Variants in PCDHGB5 observed in about 807,000 individuals in gnomAD.
PCDHGB5 encodes protocadherin gamma subfamily B, 5.
In PCDHGB5, 48 loss-of-function variants were observed where a neutral mutation model predicts 62.9. That is an observed-to-expected ratio of 0.76 (90% CI 0.61 to 0.97). The LOEUF (loss-of-function observed/expected upper bound fraction) is 0.97, where lower values mean the gene tolerates loss of function less well. Ranked by LOEUF, PCDHGB5 falls within the 50% of genes least tolerant of loss-of-function variation. PCDHGB5 has a pLI of 0.00. For synonymous variants in PCDHGB5, 474 were observed against 511.2 expected, an observed-to-expected ratio of 0.93 and a Z score of 0.98; for missense variants, 1,118 against 1,198.6, an observed-to-expected ratio of 0.93 and a Z score of 0.99.
chr5:141,505,298 T>C, intron 2 of PCDHGB5, 95 bp from the exon 3 acceptor site: 1 of 1,586,334 alleles, frequency 6.3e-7, no homozygotes, highest in Non-Finnish European at 8.6e-7. Flanking sequence ...GGGGTAGGGT[T>C]AGGGTACTAG....
chr5:141,426,311 G>C (rs895147447), intron 1 of PCDHGB5: 7 of 173,614 alleles, frequency 4.0e-5, no homozygotes, highest in Middle Eastern at 2.9e-3. Context: ...AAGCAGAGAA[G>C]CAGGACCCGG....
At chr5:141,421,173 C>A in intron 1 of PCDHGB5, 2 of 1,377,172 alleles carry the variant, frequency 1.5e-6, no homozygotes, top group Non-Finnish European at 9.7e-7. Context: ...GATACATAAG[C>A]CGATTCACAA....
chr5:141,405,514 A>C, intron 1 of PCDHGB5: 1 of 704,834 alleles, frequency 1.4e-6, no homozygotes, highest in Non-Finnish European at 2.3e-6. Context: ...CCGCCTCCCA[A>C]ATTCAAGCGA....
Position 141,489,375 on chromosome 5 carries a change from G to C in PCDHGB5, c.2398-5432G>C. On this transcript the variant is annotated intron_variant, in intron 1 of 3. Coordinates refer to ENST00000617380, the MANE Select transcript of PCDHGB5 (RefSeq NM_018925.3). The surrounding 1 kb of genome is among the most constrained non-coding windows in gnomAD (Gnocchi z 4.5). ...AGGAGTCTGAGCCGGGGACGCTGGT[G>C]GGGAATGTTGCTCAGGATCTGGGCT... 1 of 1,613,826 alleles carries C rather than the reference G, an allele frequency of 6.2e-7. No homozygotes were observed.
chr5:141,433,914 C>A (rs2097664630), intron 1 of PCDHGB5, among the ~76,000 whole-genome samples: 1 of 151,702 alleles, frequency 6.6e-6, no homozygotes, highest in Admixed American at 6.6e-5. Context: ...TTACAATCAC[C>A]TCCAAATGAA....
chr5:141,404,499 C>T lies in PCDHGB5; in HGVS notation c.2397+3975C>T, dbSNP rs147632103. ...AACTCAGACACTGGTGTGCTGTATG[C>T]TCTGTGCTCCTTTGACTATGAGCAG... On this transcript the variant is annotated intron_variant, in intron 1 of 3. Coordinates refer to ENST00000617380, the MANE Select transcript of PCDHGB5 (RefSeq NM_018925.3). 1.0e-4 allele frequency: 163 copies of T among 1,613,840 alleles called. 1 individual carries two copies. The East Asian group carries it at 3.6e-3, about 36-fold the overall frequency.
At chr5:141,409,700 G>C (rs1561722120) in intron 1 of PCDHGB5, 4 of 1,613,280 alleles carry the variant, frequency 2.5e-6, no homozygotes, top group Non-Finnish European at 3.4e-6. Context: ...AGAGCCCCTG[G>C]CGGTGTCGTC....
At chr5:141,472,980 C>CAA (rs60579131) in intron 1 of PCDHGB5, among the ~76,000 whole-genome samples, 188 of 86,094 alleles carry the variant, frequency 2.2e-3, no homozygotes, top group Non-Finnish European at 3.2e-3. Flanking sequence ...GAGTGAAACT[C>CAA]AAAAAAAAAA....
intron 2 of PCDHGB5, among the ~76,000 whole-genome samples, chr5:141,501,032 C>A (rs1370625012): frequency 6.6e-6 from 1 of 151,976 alleles, no homozygotes; most frequent in Non-Finnish European, 1.5e-5. Context: ...CCACGCCCAG[C>A]TAATTTTTGT....
Position 141,420,431 on chromosome 5 carries a change from A to G in PCDHGB5, c.2397+19907A>G, listed in dbSNP as rs183252328. 8.4e-5 allele frequency: 96 copies of G among 1,148,758 alleles called. No individual in the cohort carries two copies. In the African/African-American group the frequency reaches 1.3e-3, roughly 16 times the overall value. The allele number at this position is 1,148,758 out of a possible 1,614,324, so 71.2% of individuals were successfully genotyped here. Reference sequence around the variant, plus strand: ...TATCATTATTAAAACAAAAGTTTAAATTAAATGCCTCAGTCTTCCTACTAT... The same window carrying G: ...TATCATTATTAAAACAAAAGTTTAAGTTAAATGCCTCAGTCTTCCTACTAT... On this transcript the variant is annotated intron_variant, in intron 1 of 3. Transcript: ENST00000617380.
intron 3 of PCDHGB5, among the ~76,000 whole-genome samples, chr5:141,507,856 A>T (rs1200072170): frequency 1.3e-5 from 2 of 151,926 alleles, no homozygotes; most frequent in Non-Finnish European, 2.9e-5. Flanking sequence ...TCTCACTTTC[A>T]CACCCGCTTC....
At chr5:141,478,487 A>G (rs1593917832) in intron 1 of PCDHGB5, 1 of 1,613,454 alleles carries the variant, frequency 6.2e-7, no homozygotes, top group South Asian at 1.1e-5. Flanking sequence ...CACGCTGCGG[A>G]GCTGTGATCC....
chr5:141,405,238 C>T, intron 1 of PCDHGB5: 1 of 1,614,168 alleles, frequency 6.2e-7, no homozygotes, highest in African/African-American at 1.3e-5. Flanking sequence ...TCACCGCTGA[C>T]TCAAGGAAGA....
chr5:141,432,191 G>C lies in PCDHGB5; in HGVS notation c.2397+31667G>C. 2.5e-6 allele frequency: 4 copies of C among 1,614,110 alleles called. No individual in the cohort carries two copies. Among genetic ancestry groups the C allele is most frequent in the Non-Finnish European group, 3.4e-6 (4 of 1,180,026 alleles). On this transcript the variant is annotated intron_variant, in intron 1 of 3. Coordinates refer to ENST00000617380, the MANE Select transcript of PCDHGB5 (RefSeq NM_018925.3). The surrounding 1 kb of genome is among the most constrained non-coding windows in gnomAD (Gnocchi z 6.0). ...TTCCCTCGTCTCTGTGACCGCCCAC[G>C]ACCCCGACTGTGAAGAGAACGCCCA... is the stretch of plus-strand genomic sequence containing the variant.
intron 1 of PCDHGB5, chr5:141,415,641 TA>T (rs113784532): frequency 0.022 from 22,367 of 1,034,442 alleles, 38 homozygotes; most frequent in Admixed American, 0.045. Context: ...TTACTTTTGT[TA>T]AAAAAAAAAA....
chr5:141,491,118 T>C lies in PCDHGB5; in HGVS notation c.2398-3689T>C, dbSNP rs1421005816. Reference sequence around the variant, plus strand: ...TGTTCCTCGTGTCTACACACACTGGTGAGGTGCGCACAGCCCGGGCCTTAC... The same window carrying C: ...TGTTCCTCGTGTCTACACACACTGGCGAGGTGCGCACAGCCCGGGCCTTAC... On this transcript the variant is annotated intron_variant, in intron 1 of 3. Coordinates refer to ENST00000617380, the MANE Select transcript of PCDHGB5 (RefSeq NM_018925.3). This position sits in a 1 kb window ranked among gnomAD's most constrained non-coding sequence, Gnocchi z 6.9. The C allele has an allele frequency of 1.2e-6, 2 of 1,613,926 alleles. No homozygotes were observed. Among genetic ancestry groups the C allele is most frequent in the African/African-American group, 2.7e-5 (2 of 74,890 alleles).
intron 1 of PCDHGB5, chr5:141,423,010 G>C: frequency 6.2e-7 from 1 of 1,614,226 alleles, no homozygotes; most frequent in South Asian, 1.1e-5. Context: ...GGTGGTTGCG[G>C]TGGACAAAGA....
At position 141,400,491 on chromosome 5, in the gene PCDHGB5, T is replaced by A; in HGVS notation, c.2364T>A (p.Cys788Ter). 6.2e-7 allele frequency: 1 copy of A among 1,614,080 alleles called. No individual in the cohort carries two copies. The highest frequency in any genetic ancestry group is 8.5e-7 in the Non-Finnish European group (1 of 1,179,884). The change falls in exon 1 of 4, where the codon TGT (cysteine) becomes TGA (stop). Residue 788 changes from cysteine (C) to a stop codon, truncating the protein, a stop_gained. Coordinates refer to ENST00000617380, the MANE Select transcript of PCDHGB5 (RefSeq NM_018925.3). LOFTEE classifies it high-confidence loss of function. Reference protein sequence around the residue: ...GDSSGALFPLCNSSESTSHPE... With the variant: ...GDSSGALFPL ...CATCTGGGGCCTTATTTCCACTTTG[T>A]AATTCCAGCGAGTCGACTTCCCATC...
chr5:141,478,590 A>T, intron 1 of PCDHGB5: 1 of 1,573,342 alleles, frequency 6.4e-7, no homozygotes, highest in South Asian at 1.1e-5. Flanking sequence ...GTGCTTTTTT[A>T]TTCCTACATC....
Sources: gnomAD v4.1 joint callset for allele counts (sites outside exome capture counted in the v4.1 genomes callset) on GRCh38, gnomAD v4.1.1 for gene constraint, Gnocchi (gnomAD v3.1) non-coding constraint, MANE v1.5 for transcripts, NCBI Gene and HGNC (gene_info 2026-07-23, HGNC 2026-07-21) for gene names.